TRPC5: variants seen among roughly 807,000 people sequenced by gnomAD.
TRPC5 encodes transient receptor potential cation channel subfamily C member 5, also known as short transient receptor potential channel 5.
TRPC5 carries 9 observed loss-of-function variants against 56.5 expected under a neutral mutation model. The observed-to-expected ratio is 0.16, with a 90% CI of 0.10 to 0.28. The LOEUF (loss-of-function observed/expected upper bound fraction) is 0.28, where lower values mean the gene tolerates loss of function less well. TRPC5 is among the 10% of genes least tolerant of loss of function. The pLI is 1.00. For synonymous variants in TRPC5, 282 were observed against 278.5 expected, an observed-to-expected ratio of 1.01 and a Z score of -0.13; for missense variants, 469 against 748.9, an observed-to-expected ratio of 0.63 and a Z score of 4.36.
At chrX:111,967,936 C>T in intron 1 of TRPC5, among the ~76,000 whole-genome samples, 1 of 110,730 alleles carries the variant, frequency 9.0e-6, no homozygotes. Context: ...GTCTAAAACA[C>T]CAAAAGCAAT....
At chrX:111,948,183 G>A (rs1039052699) in intron 2 of TRPC5, among the ~76,000 whole-genome samples, 1 of 109,354 alleles carries the variant, frequency 9.1e-6, no homozygotes, top group Non-Finnish European at 1.9e-5. Flanking sequence ...TGATGATTTA[G>A]TTTTTTTTTG....
intron 6 of TRPC5, among the ~76,000 whole-genome samples, chrX:111,836,511 A>G (rs1922567752): frequency 8.9e-6 from 1 of 111,931 alleles, no homozygotes; most frequent in African/African-American, 3.2e-5. Flanking sequence ...CCTTCTTATC[A>G]TCAAGGTCTC....
chrX:111,822,138 G>A (rs1181702141), intron 7 of TRPC5, among the ~76,000 whole-genome samples: 1 of 111,788 alleles, frequency 8.9e-6, no homozygotes, highest in Admixed American at 9.5e-5. Context: ...TTGCAAAACT[G>A]TGATGATGGT....
At chrX:111,790,130 T>C (rs953569838) in intron 7 of TRPC5, among the ~76,000 whole-genome samples, 15 of 111,947 alleles carry the variant, frequency 1.3e-4, no homozygotes, top group Non-Finnish European at 2.4e-4. Flanking sequence ...TGTGGCACTA[T>C]TCACAATAGC....
chrX:111,865,162 C>T (rs774354693), intron 3 of TRPC5, among the ~76,000 whole-genome samples: 22 of 108,851 alleles, frequency 2.0e-4, no homozygotes, highest in African/African-American at 6.4e-4. Flanking sequence ...ATTACAGGTG[C>T]GTGCCACCAC....
intron 1 of TRPC5, among the ~76,000 whole-genome samples, chrX:112,014,182 T>C (rs141455635): frequency 0.045 from 5,011 of 111,424 alleles, 89 homozygotes; most frequent in African/African-American, 0.075. Flanking sequence ...AACCACTGTT[T>C]TAGTCTATAA....
chrX:111,888,087 T>G (rs1924591462), intron 3 of TRPC5, among the ~76,000 whole-genome samples: 1 of 111,028 alleles, frequency 9.0e-6, no homozygotes, highest in Admixed American at 9.6e-5. Context: ...AGGTGAGGGA[T>G]TTAGCTCTTT....
intron 10 of TRPC5, among the ~76,000 whole-genome samples, chrX:111,778,197 A>G (rs1262173407): frequency 3.6e-5 from 4 of 111,697 alleles, no homozygotes; most frequent in African/African-American, 9.8e-5. Context: ...CCTAATGTAG[A>G]TGATGGGTTG....
chrX:111,822,261 C>G lies in TRPC5; in HGVS notation c.1896+12660G>C, dbSNP rs755888667. ...TCACTTGCTTGGTCACATGGGAAAA[C>G]CTGATCTTAATAAGGGATTGGACAT... On this transcript the variant is annotated intron_variant, in intron 7 of 10. Transcript: ENST00000262839. Among the ~76,000 whole-genome samples, 3 of 111,236 alleles carry G rather than the reference C, an allele frequency of 2.7e-5. No individual in the cohort carries two copies. The South Asian group carries it at 1.1e-3, about 42-fold the overall frequency.
At chrX:111,926,081 T>C (rs766806176) in intron 2 of TRPC5, among the ~76,000 whole-genome samples, 3 of 112,068 alleles carry the variant, frequency 2.7e-5, no homozygotes, top group South Asian at 7.5e-4. Flanking sequence ...ATGGCCCTGG[T>C]TGGGTTCTGG....
intron 7 of TRPC5, among the ~76,000 whole-genome samples, chrX:111,801,812 A>C (rs1160113976): frequency 1.8e-5 from 2 of 112,017 alleles, no homozygotes; most frequent in Non-Finnish European, 3.8e-5. Flanking sequence ...TGATTTGCAA[A>C]TATTCTCTTC....
chrX:111,858,395 T>C (rs1275834675), intron 3 of TRPC5, among the ~76,000 whole-genome samples: 5 of 111,282 alleles, frequency 4.5e-5, no homozygotes, highest in Non-Finnish European at 7.5e-5. Flanking sequence ...TTTGTTGTTG[T>C]TGTAAGAATT....
At chrX:111,834,744 A>C (rs1922514609) in intron 7 of TRPC5, among the ~76,000 whole-genome samples, 177 bp downstream of exon 7, 1 of 112,402 alleles carries the variant, frequency 8.9e-6, no homozygotes, top group Non-Finnish European at 1.9e-5. Context: ...GAGTCTATAG[A>C]CTAAGAGTCC....
chrX:112,029,829 CTTT>C (rs35476875), intron 1 of TRPC5, among the ~76,000 whole-genome samples: 2 of 98,700 alleles, frequency 2.0e-5, no homozygotes, highest in African/African-American at 7.4e-5. Flanking sequence ...AAGCCTCATC[CTTT>C]TTTTTTTTTT....
intron 1 of TRPC5, among the ~76,000 whole-genome samples, chrX:111,966,159 C>T (rs1800257781): frequency 9.0e-6 from 1 of 111,562 alleles, no homozygotes; most frequent in Admixed American, 9.5e-5. Context: ...CACCACCGAT[C>T]CCAAAGAAAT....
At chrX:111,894,548 T>A (rs1924964815) in intron 3 of TRPC5, among the ~76,000 whole-genome samples, 1 of 111,358 alleles carries the variant, frequency 9.0e-6, no homozygotes, top group Admixed American at 9.5e-5. Context: ...GTCTCTTGCC[T>A]TAGCACTGCC....
intron 1 of TRPC5, among the ~76,000 whole-genome samples, chrX:112,059,533 G>T (rs1930414537): frequency 1.8e-5 from 2 of 111,950 alleles, no homozygotes; most frequent in African/African-American, 6.5e-5. Flanking sequence ...TTGTTTTCTG[G>T]AGCTTCTGAG....
chrX:111,982,493 C>T (rs1349249256), intron 1 of TRPC5, among the ~76,000 whole-genome samples: 1 of 111,417 alleles, frequency 9.0e-6, no homozygotes, highest in Non-Finnish European at 1.9e-5. Context: ...ACCTTAATCA[C>T]AGGGCATGGT....
At chrX:111,860,060 C>T (rs1332152114) in intron 3 of TRPC5, among the ~76,000 whole-genome samples, 1 of 112,468 alleles carries the variant, frequency 8.9e-6, no homozygotes, top group Non-Finnish European at 1.9e-5. Context: ...AGGCGCCCGC[C>T]ACCACGACCG....
Sources: gnomAD v4.1 joint callset for allele counts (sites outside exome capture counted in the v4.1 genomes callset) on GRCh38, gnomAD v4.1.1 for gene constraint, MANE v1.5 for transcripts, NCBI Gene and HGNC (gene_info 2026-07-23, HGNC 2026-07-21) for gene names.